SPTA1: variants seen among roughly 807,000 people sequenced by gnomAD.
SPTA1 encodes spectrin alpha, erythrocytic 1, also known as spectrin alpha chain, erythrocytic 1.
SPTA1 carries 177 observed loss-of-function variants against 324.7 expected under a neutral mutation model. The observed-to-expected ratio is 0.55, with a 90% CI of 0.48 to 0.62. The LOEUF is 0.62. Among genes scored for constraint, SPTA1 ranks in the 20% least tolerant of loss-of-function variants. The pLI is 0.00. For synonymous variants in SPTA1, 1,195 were observed against 1,041.3 expected, an observed-to-expected ratio of 1.15 and a Z score of -2.84; for missense variants, 3,162 against 2,883.6, an observed-to-expected ratio of 1.10 and a Z score of -2.21.
chr1:158,648,769 C>G (rs564399004), intron 25 of SPTA1, 116 bp from the exon 26 acceptor site: 11 of 1,068,668 alleles, frequency 1.0e-5, no homozygotes, highest in East Asian at 2.7e-5. Context: ...CCCACCCCCC[C>G]ACCCCAACCA....
At chr1:158,627,450 G>A (rs1454625630) in intron 40 of SPTA1, among the ~76,000 whole-genome samples, 175 bp downstream of exon 40, 1 of 152,166 alleles carries the variant, frequency 6.6e-6, no homozygotes, top group Non-Finnish European at 1.5e-5. Context: ...TACAGCAATT[G>A]AGTAGATAAT....
intron 12 of SPTA1, among the ~76,000 whole-genome samples, 184 bp downstream of exon 12, chr1:158,671,159 T>G (rs998641935): frequency 6.6e-6 from 1 of 152,166 alleles, no homozygotes; most frequent in Admixed American, 6.5e-5. Flanking sequence ...GTTTATAAAA[T>G]TAAAGAGTTT....
rs1241556608 is a variant in SPTA1 at position 158,623,118 on chromosome 1, C to T, written c.5985G>A (p.Leu1995=). The change falls in exon 43 of 52, where the codon CTG becomes CTA. Residue 1995 remains leucine (L), a synonymous_variant. Transcript: ENST00000643759. ...TAGACTGGTTGTGTTGAGCAGAAAT[C>T]AGTTTGTCCTTCAGGTCAGTGATCT... ...LPEITDLKDK[L]ISAQHNQSKA... is the part of the protein sequence containing the mutation. The T allele has an allele frequency of 6.2e-7, 1 of 1,614,156 alleles. No homozygotes were observed. Among genetic ancestry groups the T allele is most frequent in the Non-Finnish European group, 8.5e-7 (1 of 1,180,030 alleles).
chr1:158,620,107 T>C, intron 44 of SPTA1, 63 bp downstream of exon 44: 2 of 1,587,124 alleles, frequency 1.3e-6, no homozygotes, highest in Admixed American at 3.3e-5. Flanking sequence ...GTCTATTTAC[T>C]TGGATAATAA....
intron 7 of SPTA1, among the ~76,000 whole-genome samples, chr1:158,676,854 A>G (rs545565766): frequency 2.0e-5 from 3 of 152,244 alleles, no homozygotes; most frequent in East Asian, 3.9e-4. Flanking sequence ...ATCATACTCA[A>G]CTATAATCAG....
chr1:158,674,489 T>A, intron 9 of SPTA1, 51 bp downstream of exon 9: 1 of 1,614,068 alleles, frequency 6.2e-7, no homozygotes, highest in Non-Finnish European at 8.5e-7. Context: ...TTTCTGGCAT[T>A]CAGCCAAATA....
chr1:158,657,449 C>T (rs1158579884), intron 19 of SPTA1, 28 bp downstream of exon 19: 4 of 1,594,758 alleles, frequency 2.5e-6, no homozygotes, highest in Non-Finnish European at 3.4e-6. Flanking sequence ...GTTGAGGATT[C>T]ACAATGTTAA....
intron 24 of SPTA1, among the ~76,000 whole-genome samples, chr1:158,650,350 G>A (rs1444122449): frequency 6.6e-6 from 1 of 152,126 alleles, no homozygotes; most frequent in Non-Finnish European, 1.5e-5. Context: ...TTTCTATAGG[G>A]GGTAAGTACA....
chr1:158,685,630 C>G (rs575432561), intron 1 of SPTA1, among the ~76,000 whole-genome samples: 1 of 152,022 alleles, frequency 6.6e-6, no homozygotes, highest in Admixed American at 6.6e-5. Context: ...TTGGACTGAT[C>G]ATGGAGCAAG....
intron 3 of SPTA1, among the ~76,000 whole-genome samples, chr1:158,682,033 G>C (rs1654854386): frequency 2.0e-5 from 3 of 152,142 alleles, no homozygotes; most frequent in African/African-American, 7.2e-5. Flanking sequence ...GTTCTAAGAA[G>C]AGCAAACAGC....
chr1:158,622,056 G>T (rs552795752), intron 43 of SPTA1, among the ~76,000 whole-genome samples: 11 of 152,242 alleles, frequency 7.2e-5, no homozygotes, highest in Admixed American at 6.5e-4. Context: ...AGTAGAGACG[G>T]TGTTTCACCG....
At chr1:158,677,588 A>G (rs921257482) in intron 7 of SPTA1, 102 bp downstream of exon 7, 14 of 1,404,822 alleles carry the variant, frequency 1.0e-5, no homozygotes, top group South Asian at 1.2e-5. Flanking sequence ...CATTGAAAAC[A>G]GTGAACTTAT....
chr1:158,680,733 T>C lies in SPTA1; in HGVS notation c.532-4A>G, dbSNP rs1654746869. 2 of 1,613,558 alleles carry C rather than the reference T, an allele frequency of 1.2e-6. No individual in the cohort carries two copies. The highest frequency in any genetic ancestry group is 1.7e-6 in the Non-Finnish European group (2 of 1,179,734). On this transcript the variant is annotated splice_polypyrimidine_tract_variant and splice_region_variant and intron_variant, in intron 4 of 51. Coordinates refer to ENST00000643759, the MANE Select transcript of SPTA1 (RefSeq NM_003126.4). ...CCACTGATGTCGCTATAGCCTCCTG[T>C]AGACACAGAAGTTGATTGAGTTGCC...
chr1:158,639,382 T>C (rs968451198), intron 35 of SPTA1, 200 bp downstream of exon 35: 20 of 621,768 alleles, frequency 3.2e-5, no homozygotes, highest in East Asian at 5.6e-5. Flanking sequence ...AAGTCTATAG[T>C]TTAGGGATAA....
intron 11 of SPTA1, 148 bp from the exon 12 acceptor site, chr1:158,671,601 C>G (rs1329790046): frequency 1.4e-6 from 1 of 703,454 alleles, no homozygotes; most frequent in Non-Finnish European, 2.5e-6. Flanking sequence ...TAACTTTAAA[C>G]AGCAGGAGTT....
intron 27 of SPTA1, among the ~76,000 whole-genome samples, chr1:158,646,814 C>T (rs1390309808): frequency 6.6e-6 from 1 of 152,138 alleles, no homozygotes; most frequent in Non-Finnish European, 1.5e-5. Context: ...CTACAACTTC[C>T]TGGACCCTCT....
chr1:158,668,160 A>G lies in SPTA1; in HGVS notation c.1834-98T>C, dbSNP rs552778090. On this transcript the variant is annotated intron_variant, in intron 14 of 51. Coordinates refer to ENST00000643759, the MANE Select transcript of SPTA1 (RefSeq NM_003126.4). Reference sequence around the variant, plus strand: ...GTTACTTCTCACTATAAATCTAACGAACGATGCTAACAAGAAGATAAAAGG... The same window carrying G: ...GTTACTTCTCACTATAAATCTAACGGACGATGCTAACAAGAAGATAAAAGG... 3.6e-4 allele frequency: 467 copies of G among 1,301,012 alleles called. 1 individual carries two copies. Among genetic ancestry groups the G allele is most frequent in the Middle Eastern group, 3.0e-3 (13 of 4,324 alleles). The allele number at this position is 1,301,012 out of a possible 1,614,324, so 80.6% of individuals were successfully genotyped here.
chr1:158,663,650 C>T (rs941034066), intron 16 of SPTA1, among the ~76,000 whole-genome samples: 1 of 152,142 alleles, frequency 6.6e-6, no homozygotes, highest in Admixed American at 6.5e-5. Context: ...ACACAGTACC[C>T]AGGATTTTTA....
rs144915061 is a variant in SPTA1, at chr1:158,613,230, G to A, written c.6990-269C>T. On this transcript the variant is annotated intron_variant, in intron 50 of 51. Transcript: ENST00000643759. ...ACATGGGTCATTCAGCCTGATTCTC[G>A]GTGAATTTTGAAATTTCCCATCAGC... Among the ~76,000 whole-genome samples, 540 of 151,866 alleles carry A rather than the reference G, an allele frequency of 3.6e-3. 4 individuals are homozygous for A. The highest frequency in any genetic ancestry group is 0.012 in the African/African-American group (513 of 41,398).
Sources: gnomAD v4.1 joint callset for allele counts (sites outside exome capture counted in the v4.1 genomes callset) on GRCh38, gnomAD v4.1.1 for gene constraint, MANE v1.5 for transcripts, NCBI Gene and HGNC (gene_info 2026-07-23, HGNC 2026-07-21) for gene names.